CELF2: variants seen among roughly 807,000 people sequenced by gnomAD.
The protein encoded by CELF2 is CUGBP Elav-like family member 2.
A neutral mutation model predicts 62.6 loss-of-function variants in CELF2; 8 were observed. The ratio of observed to expected loss-of-function variants is 0.13; its 90% CI spans 0.07 to 0.23. The LOEUF (loss-of-function observed/expected upper bound fraction) is 0.23, where lower values mean the gene tolerates loss of function less well. Among genes scored for constraint, CELF2 ranks in the 10% least tolerant of loss-of-function variants. The pLI, the probability that CELF2 is intolerant of heterozygous loss-of-function variation, is 1.00. For synonymous variants in CELF2, 258 were observed against 250.0 expected, an observed-to-expected ratio of 1.03 and a Z score of -0.30; for missense variants, 333 against 671.0, an observed-to-expected ratio of 0.50 and a Z score of 5.56.
At chr10:10,739,276 A>C in the CELF2 span, among the ~76,000 whole-genome samples, 1 of 152,158 alleles carries the variant, frequency 6.6e-6, no homozygotes, top group African/African-American at 2.4e-5. Flanking sequence ...CTTATTTTAT[A>C]ATGTTTGACA....
Position 11,217,404 on chromosome 10 carries a change from C to T in CELF2, c.272-21C>T. 6.3e-7 allele frequency: 1 copy of T among 1,581,986 alleles called. No individual in the cohort carries two copies. The highest frequency in any genetic ancestry group is 8.7e-7 in the Non-Finnish European group (1 of 1,154,734). On this transcript the variant is annotated intron_variant, in intron 2 of 12. Coordinates refer to ENST00000633077, the MANE Select transcript of CELF2 (RefSeq NM_001326342.2). The surrounding 1 kb of genome is among the most constrained non-coding windows in gnomAD (Gnocchi z 5.6). The stretch of plus-strand genomic sequence containing the variant: ...AAAGCATTCACAGAAATTTCTAAAA[C>T]CTTTTCATTTCTCTCTGTAGGTTGT...
the CELF2 span, among the ~76,000 whole-genome samples, chr10:10,688,977 C>G: frequency 6.6e-6 from 1 of 151,960 alleles, no homozygotes; most frequent in African/African-American, 2.4e-5. Context: ...GCACCCCAGG[C>G]TGGGCAACAG....
At chr10:10,816,689 T>C (rs1337491006) in intron 1 of CELF2, among the ~76,000 whole-genome samples, 1 of 152,224 alleles carries the variant, frequency 6.6e-6, no homozygotes, top group Non-Finnish European at 1.5e-5. Context: ...ACAAACTTAG[T>C]ATTACTCAAG....
the CELF2 span, among the ~76,000 whole-genome samples, chr10:10,514,034 CACTT>C: frequency 4.1e-4 from 62 of 152,322 alleles, no homozygotes; most frequent in African/African-American, 1.4e-3. Context: ...CACTTGCTCT[CACTT>C]ACTCAACACC....
intron 1 of CELF2, among the ~76,000 whole-genome samples, chr10:10,872,677 A>C (rs182946699): frequency 2.6e-5 from 4 of 152,154 alleles, no homozygotes; most frequent in Non-Finnish European, 4.4e-5. Context: ...ACAACAACAA[A>C]AAACTGCAAA....
At chr10:10,586,568 A>G in the CELF2 span, among the ~76,000 whole-genome samples, 1 of 152,198 alleles carries the variant, frequency 6.6e-6, no homozygotes, top group African/African-American at 2.4e-5. Flanking sequence ...GGAAAGTTCA[A>G]GGGAAGCTAT....
chr10:10,506,698 T>TTTTG, the CELF2 span, among the ~76,000 whole-genome samples: 1 of 141,336 alleles, frequency 7.1e-6, no homozygotes, highest in Non-Finnish European at 1.5e-5. Context: ...TTTTTTTTTT[T>TTTTG]GAGATGGAGT....
intron 1 of CELF2, among the ~76,000 whole-genome samples, chr10:10,842,259 T>C: frequency 6.6e-6 from 1 of 152,056 alleles, no homozygotes; most frequent in East Asian, 1.9e-4. Flanking sequence ...TTTCTTTTGT[T>C]CCAATCTGTA....
the CELF2 span, among the ~76,000 whole-genome samples, chr10:10,542,867 A>G: frequency 1.3e-5 from 2 of 152,152 alleles, no homozygotes; most frequent in Admixed American, 1.3e-4. Flanking sequence ...TTCTCTAGAT[A>G]GTGTGTTGGT....
At chr10:10,525,916 T>C in the CELF2 span, among the ~76,000 whole-genome samples, 1 of 152,246 alleles carries the variant, frequency 6.6e-6, no homozygotes, top group East Asian at 1.9e-4. Flanking sequence ...TTTTCCATAA[T>C]GGCTGTACTA....
the CELF2 span, among the ~76,000 whole-genome samples, chr10:10,724,202 G>A: frequency 6.6e-6 from 1 of 152,138 alleles, no homozygotes; most frequent in African/African-American, 2.4e-5. Flanking sequence ...CATTAACCAT[G>A]TCGCGTTCTT....
intron 1 of CELF2, among the ~76,000 whole-genome samples, chr10:10,815,627 C>T (rs1208985039): frequency 6.6e-6 from 1 of 152,180 alleles, no homozygotes; most frequent in Non-Finnish European, 1.5e-5. Flanking sequence ...GTTTTAGGCT[C>T]TGTCTGCAAT....
In CELF2 at chr10:11,237,787, G is replaced by A. The variant is rs528960464; in HGVS notation, c.355-11366G>A. ...AGGGAGCACTGAGGCCCCAGGCAGC[G>A]TCACGGCCAGAGACAAATGTCACAA... On this transcript the variant is annotated intron_variant, in intron 3 of 12. Coordinates refer to ENST00000633077, the MANE Select transcript of CELF2 (RefSeq NM_001326342.2). This position sits in a 1 kb window ranked among gnomAD's most constrained non-coding sequence, Gnocchi z 4.0. 3.9e-5 allele frequency among the ~76,000 whole-genome samples: 6 copies of A among 152,308 alleles called. No individual in the cohort carries two copies. The highest frequency in any genetic ancestry group is 3.9e-4 in the East Asian group (2 of 5,188).
At chr10:10,619,307 C>T in the CELF2 span, among the ~76,000 whole-genome samples, 3 of 152,296 alleles carry the variant, frequency 2.0e-5, no homozygotes, top group East Asian at 5.8e-4. Flanking sequence ...TTTTTAGCTC[C>T]TGTGTCATTA....
the CELF2 span, among the ~76,000 whole-genome samples, chr10:10,777,811 T>C: frequency 6.6e-6 from 1 of 152,070 alleles, no homozygotes; most frequent in Non-Finnish European, 1.5e-5. Context: ...GTTACCTACC[T>C]CTCTCCCTTA....
the CELF2 span, among the ~76,000 whole-genome samples, chr10:10,622,081 A>G: frequency 7.8e-3 from 1,190 of 152,294 alleles, 6 homozygotes; most frequent in African/African-American, 0.014. Flanking sequence ...AGCCACACCT[A>G]AGCCTTGTCC....
the CELF2 span, among the ~76,000 whole-genome samples, chr10:10,770,727 G>T: frequency 2.6e-4 from 36 of 137,716 alleles, no homozygotes; most frequent in African/African-American, 1.0e-3. Flanking sequence ...TCATCAAATT[G>T]TATTCATTCT....
At chr10:11,198,914 C>T (rs1368525765) in intron 2 of CELF2, among the ~76,000 whole-genome samples, 1 of 152,208 alleles carries the variant, frequency 6.6e-6, no homozygotes, top group Non-Finnish European at 1.5e-5. Flanking sequence ...CATGAAATCA[C>T]AGTCTGTCTT....
chr10:11,274,678 G>A (rs904793644), intron 7 of CELF2, among the ~76,000 whole-genome samples: 12 of 152,168 alleles, frequency 7.9e-5, no homozygotes, highest in African/African-American at 2.2e-4. Flanking sequence ...AAAGCTGAAC[G>A]GTGCTGGAAA....
Sources: allele counts gnomAD v4.1 joint callset (sites outside exome capture counted in the v4.1 genomes callset), GRCh38; gene constraint gnomAD v4.1.1; non-coding constraint Gnocchi (gnomAD v3.1); transcripts MANE v1.5; gene names NCBI Gene and HGNC (gene_info 2026-07-23, HGNC 2026-07-21).